NFATC2: variants seen among roughly 807,000 people sequenced by gnomAD.
The protein encoded by NFATC2 is nuclear factor of activated T cells 2.
A neutral mutation model predicts 87.3 loss-of-function variants in NFATC2; 22 were observed. The ratio of observed to expected loss-of-function variants is 0.25; its 90% CI spans 0.18 to 0.36. The LOEUF (loss-of-function observed/expected upper bound fraction) is 0.36. NFATC2 is among the 10% of genes least tolerant of loss of function. The pLI, the probability that NFATC2 is intolerant of heterozygous loss-of-function variation, is 1.00. For missense variants in NFATC2, 1,149 were observed against 1,259.1 expected (o/e 0.91, Z 1.32); for synonymous variants, 565 against 542.2 (o/e 1.04, Z -0.58).
At chr20:51,472,216 C>A (rs369072419) in intron 5 of NFATC2, among the ~76,000 whole-genome samples, 1 of 152,114 alleles carries the variant, frequency 6.6e-6, no homozygotes. Context: ...GATCGCACCA[C>A]GGCACTCCAG....
chr20:51,505,248 T>G (rs886599832), intron 3 of NFATC2, among the ~76,000 whole-genome samples: 13 of 151,668 alleles, frequency 8.6e-5, no homozygotes, highest in Middle Eastern at 3.4e-3. Context: ...ACTCGATCTC[T>G]TGACCTTGTG....
At chr20:51,479,369 G>A (rs1332745991) in intron 3 of NFATC2, among the ~76,000 whole-genome samples, 1 of 152,162 alleles carries the variant, frequency 6.6e-6, no homozygotes, top group Non-Finnish European at 1.5e-5. Flanking sequence ...TGTAATCCCA[G>A]CACATTGGGA....
chr20:51,395,600 T>A (rs895775287), intron 10 of NFATC2, among the ~76,000 whole-genome samples: 2 of 43,022 alleles, frequency 4.6e-5, no homozygotes, highest in Non-Finnish European at 8.1e-5. Context: ...GAGAATGATC[T>A]CACAGAGGTG....
chr20:51,411,940 C>G (rs2146274267), intron 9 of NFATC2, among the ~76,000 whole-genome samples: 1 of 152,212 alleles, frequency 6.6e-6, no homozygotes, highest in South Asian at 2.1e-4. Flanking sequence ...GCCAAACTTT[C>G]CAAAGCAGAG....
At chr20:51,422,782 G>A (rs1981142539) in intron 9 of NFATC2, among the ~76,000 whole-genome samples, 1 of 152,102 alleles carries the variant, frequency 6.6e-6, no homozygotes, top group Non-Finnish European at 1.5e-5. Flanking sequence ...TTTCCCCTGG[G>A]AAAACAAAGC....
intron 9 of NFATC2, among the ~76,000 whole-genome samples, chr20:51,425,276 G>T (rs953371949): frequency 3.9e-5 from 6 of 152,220 alleles, no homozygotes; most frequent in African/African-American, 7.2e-5. Context: ...AAAAAAGGAC[G>T]CTGGCAAAAG....
Position 51,523,413 on chromosome 20 carries a change from C to T in NFATC2, c.828G>A (p.Ser276=), listed in dbSNP as rs751171240. The T allele has an allele frequency of 3.1e-6, 5 of 1,608,220 alleles. No individual in the cohort carries two copies. The East Asian group carries it at 6.7e-5, about 22-fold the overall frequency. Residue 276 remains serine, a synonymous_variant, in exon 2 of 11, where the codon TCG becomes TCA. Transcript: ENST00000371564. This position sits in a 1 kb window ranked among gnomAD's most constrained non-coding sequence, Gnocchi z 6.9. Reference sequence around the variant, plus strand: ...GTGCCACGTGAGATGAGGGCTGCGGCGAGGGGCTCCGGGAGCGCTGGGGTG... The same window carrying T: ...GTGCCACGTGAGATGAGGGCTGCGGTGAGGGGCTCCGGGAGCGCTGGGGTG... The part of the protein sequence containing the change: ...GASPQRSRSP[S]PQPSSHVAPQ...
chr20:51,396,257 A>G (rs982728079), intron 10 of NFATC2, among the ~76,000 whole-genome samples: 5 of 152,080 alleles, frequency 3.3e-5, no homozygotes, highest in Admixed American at 2.6e-4. Flanking sequence ...TAAAAGGCCC[A>G]GACACCTGCA....
upstream of NFATC2, chr20:51,542,755 G>GGT (rs1555819138): frequency 7.6e-6 from 3 of 395,208 alleles, no homozygotes; most frequent in African/African-American, 9.3e-5. Flanking sequence ...GAGGCGGGGG[G>GGT]GGGGGGGGCG....
At chr20:51,499,159 G>A (rs1358685693) in intron 3 of NFATC2, among the ~76,000 whole-genome samples, 1 of 152,156 alleles carries the variant, frequency 6.6e-6, no homozygotes, top group East Asian at 1.9e-4. Context: ...TCAGAATGGG[G>A]GTGGTGTAGA....
At chr20:51,487,391 A>G (rs1989802511) in intron 3 of NFATC2, among the ~76,000 whole-genome samples, 1 of 152,220 alleles carries the variant, frequency 6.6e-6, no homozygotes, top group Non-Finnish European at 1.5e-5. Flanking sequence ...GCAGGGCTTA[A>G]TACCTAGGTG....
intron 2 of NFATC2, among the ~76,000 whole-genome samples, chr20:51,518,188 C>G (rs958528724): frequency 4.6e-5 from 7 of 152,202 alleles, no homozygotes; most frequent in Admixed American, 4.6e-4. Context: ...TAACTGCTGT[C>G]CCTTCTTTTC....
Position 51,432,208 on chromosome 20 carries a change from G to T in NFATC2, c.2581C>A (p.Pro861Thr). Reference sequence around the variant, plus strand: ...GCATTCTGCTGCTGAATGACTGTGGGGTAGGAACCCGGGCTCAGCCTCTGA... The same window carrying T: ...GCATTCTGCTGCTGAATGACTGTGGTGTAGGAACCCGGGCTCAGCCTCTGA... Reference protein sequence around the residue: ...QGQRLSPGSYPTVIQQQNATS... With the variant: ...QGQRLSPGSYTTVIQQQNATS... The change falls in exon 9 of 11, where the codon CCC becomes ACC. Residue 861 changes from proline to threonine, a missense_variant. Pro to Thr is a conservative substitution (Grantham distance 38). Coordinates refer to ENST00000371564, the MANE Select transcript of NFATC2 (RefSeq NM_012340.5). This position sits in a 1 kb window ranked among gnomAD's most constrained non-coding sequence, Gnocchi z 4.6. The T allele has an allele frequency of 1.2e-6, 2 of 1,613,460 alleles. No homozygotes were observed. The highest frequency in any genetic ancestry group is 1.7e-6 in the Non-Finnish European group (2 of 1,179,584).
intron 5 of NFATC2, among the ~76,000 whole-genome samples, chr20:51,455,724 G>A (rs1449436511): frequency 3.6e-4 from 10 of 27,700 alleles, no homozygotes; most frequent in Admixed American, 9.2e-4. Flanking sequence ...GGGTGGGTGG[G>A]TGGATGGGTG....
intron 3 of NFATC2, among the ~76,000 whole-genome samples, chr20:51,504,908 T>G (rs575893717): frequency 1.3e-5 from 2 of 150,126 alleles, no homozygotes; most frequent in Non-Finnish European, 3.0e-5. Flanking sequence ...TGAGCTCAAG[T>G]GTGCAGGCGC....
At chr20:51,410,555 A>G (rs549552323) in intron 9 of NFATC2, among the ~76,000 whole-genome samples, 62 of 145,348 alleles carry the variant, frequency 4.3e-4, no homozygotes, top group Non-Finnish European at 9.0e-4. Context: ...AGAGAGGGAG[A>G]GAAAGAGGGA....
intron 5 of NFATC2, among the ~76,000 whole-genome samples, chr20:51,459,284 G>A (rs1986888594): frequency 6.6e-6 from 1 of 152,304 alleles, no homozygotes; most frequent in East Asian, 1.9e-4. Context: ...ATTAAGTGAA[G>A]TGAAAGGAGC....
At chr20:51,505,291 A>T (rs2076159970) in intron 3 of NFATC2, among the ~76,000 whole-genome samples, 2 of 151,874 alleles carry the variant, frequency 1.3e-5, no homozygotes, top group Admixed American at 1.3e-4. Context: ...AAGTGCTGGG[A>T]TTACAGGCGT....
At chr20:51,394,625 G>A (rs1209895854) in intron 10 of NFATC2, among the ~76,000 whole-genome samples, 3 of 149,302 alleles carry the variant, frequency 2.0e-5, no homozygotes, top group African/African-American at 7.7e-5. Context: ...ATGCCTTGGT[G>A]CATGGGAAGT....
Sources: gnomAD v4.1 joint callset for allele counts (sites outside exome capture counted in the v4.1 genomes callset) on GRCh38, gnomAD v4.1.1 for gene constraint, Gnocchi (gnomAD v3.1) non-coding constraint, MANE v1.5 for transcripts, NCBI Gene and HGNC (gene_info 2026-07-23, HGNC 2026-07-21) for gene names.